Variants in CCSER1 observed in about 807,000 individuals in gnomAD.
CCSER1 encodes the protein coiled-coil serine rich protein 1.
Under a neutral mutation model 82.0 loss-of-function variants are expected in CCSER1, and 41 were observed. The ratio of observed to expected loss-of-function variants is 0.50; its 90% CI spans 0.39 to 0.65. The LOEUF is 0.65. Among genes scored for constraint, CCSER1 ranks in the 30% least tolerant of loss-of-function variants. The probability of loss-of-function intolerance (pLI) is 0.00; values close to 1 mark genes in which losing one functional copy is unlikely to be tolerated. For missense variants in CCSER1, 1,119 were observed against 1,064.2 expected (o/e 1.05, Z -0.72); for synonymous variants, 414 against 383.9 (o/e 1.08, Z -0.92).
In CCSER1 at chr4:91,525,397, A is replaced by C. The variant is rs551093964; in HGVS notation, c.2218-73175A>C. ...TTAAGGAGGTCAAGTGTTTTCTAAGATTATTTTTTGGGCTGACAGACTTTC... is the reference window on the plus strand; with the variant it reads ...TTAAGGAGGTCAAGTGTTTTCTAAGCTTATTTTTTGGGCTGACAGACTTTC... On this transcript the variant is annotated intron_variant, in intron 10 of 10. Transcript: ENST00000509176. Among the ~76,000 whole-genome samples the C allele has an allele frequency of 1.1e-4, 17 of 152,242 alleles. 1 individual carries two copies. In the South Asian group the frequency reaches 3.5e-3, roughly 32 times the overall value.
intron 9 of CCSER1, among the ~76,000 whole-genome samples, chr4:91,042,778 C>T (rs760449005): frequency 6.6e-6 from 1 of 151,840 alleles, no homozygotes; most frequent in Non-Finnish European, 1.5e-5. Context: ...TAACACATTA[C>T]AGGGGGGAAA....
Position 91,343,300 on chromosome 4 carries a change from T to C in CCSER1, c.2218-255272T>C, listed in dbSNP as rs576210269. On this transcript the variant is annotated intron_variant, in intron 10 of 10. Coordinates refer to ENST00000509176, the MANE Select transcript of CCSER1 (RefSeq NM_001145065.2). ...TTTAATTGTATGATGCAAAAATCTT[T>C]CCTCATTAACCTGAAATGAAATTCC... 1.4e-4 allele frequency among the ~76,000 whole-genome samples: 22 copies of C among 152,230 alleles called. 1 individual carries two copies. The South Asian group carries it at 4.6e-3, about 31-fold the overall frequency.
intron 10 of CCSER1, among the ~76,000 whole-genome samples, chr4:91,313,247 C>G (rs1745615096): frequency 6.6e-6 from 1 of 151,850 alleles, no homozygotes; most frequent in East Asian, 1.9e-4. Context: ...ATAACATATT[C>G]TAATTATTTA....
At chr4:90,320,753 C>G (rs868661924) in intron 3 of CCSER1, among the ~76,000 whole-genome samples, 1 of 151,966 alleles carries the variant, frequency 6.6e-6, no homozygotes, top group Non-Finnish European at 1.5e-5. Flanking sequence ...TCTTTCTGAA[C>G]TTTGAGATGA....
chr4:91,196,078 G>A (rs1046089832), intron 10 of CCSER1, among the ~76,000 whole-genome samples: 2 of 151,538 alleles, frequency 1.3e-5, no homozygotes, highest in South Asian at 4.1e-4. Flanking sequence ...TCCCAGCTAC[G>A]CGGGAGGCTG....
chr4:91,582,893 TA>T (rs1176409629), intron 10 of CCSER1, among the ~76,000 whole-genome samples: 2 of 151,456 alleles, frequency 1.3e-5, no homozygotes, highest in Non-Finnish European at 3.0e-5. Flanking sequence ...GTCCCATAAA[TA>T]TTTATTTCAA....
chr4:91,576,964 T>A (rs1285009276), intron 10 of CCSER1, among the ~76,000 whole-genome samples: 1 of 148,488 alleles, frequency 6.7e-6, no homozygotes, highest in South Asian at 2.1e-4. Context: ...AACATCACAT[T>A]GTATACCTCA....
chr4:90,616,541 C>T (rs990510807), intron 5 of CCSER1, among the ~76,000 whole-genome samples: 12 of 151,606 alleles, frequency 7.9e-5, no homozygotes, highest in East Asian at 1.9e-4. Flanking sequence ...AAAAATTAGT[C>T]GGGTGTGGTA....
chr4:91,120,116 A>T (rs1726957623), intron 10 of CCSER1, among the ~76,000 whole-genome samples: 1 of 152,022 alleles, frequency 6.6e-6, no homozygotes, highest in Admixed American at 6.6e-5. Flanking sequence ...ATTGTTTAAT[A>T]ATAATTTGCA....
At chr4:91,184,936 G>A (rs989798412) in intron 10 of CCSER1, among the ~76,000 whole-genome samples, 57 of 152,258 alleles carry the variant, frequency 3.7e-4, no homozygotes, top group African/African-American at 1.2e-3. Flanking sequence ...ATAATTGGTT[G>A]AATAGTACCA....
At chr4:90,840,317 CA>C (rs1300082080) in intron 8 of CCSER1, among the ~76,000 whole-genome samples, 1 of 152,122 alleles carries the variant, frequency 6.6e-6, no homozygotes, top group Non-Finnish European at 1.5e-5. Flanking sequence ...TTTTCTATTA[CA>C]AAAGACGTTA....
At chr4:90,601,791 T>C (rs569645582) in intron 5 of CCSER1, among the ~76,000 whole-genome samples, 153 of 152,246 alleles carry the variant, frequency 1.0e-3, no homozygotes, top group African/African-American at 3.6e-3. Flanking sequence ...TTTTATGTTC[T>C]ACTTTTATTT....
intron 5 of CCSER1, among the ~76,000 whole-genome samples, chr4:90,523,516 A>G (rs536918403): frequency 1.3e-5 from 2 of 152,304 alleles, no homozygotes; most frequent in South Asian, 4.1e-4. Context: ...GTACTACATA[A>G]GCACAAATGT....
intron 8 of CCSER1, among the ~76,000 whole-genome samples, chr4:90,834,827 T>C (rs1761582970): frequency 6.6e-6 from 1 of 152,126 alleles, no homozygotes; most frequent in Non-Finnish European, 1.5e-5. Context: ...CACGATCTTA[T>C]TTTCTTTTCT....
intron 9 of CCSER1, among the ~76,000 whole-genome samples, chr4:90,924,876 G>A (rs1450643406): frequency 2.0e-5 from 3 of 152,046 alleles, no homozygotes; most frequent in Admixed American, 1.3e-4. Flanking sequence ...GCAAGCACCC[G>A]TCATCACTGC....
chr4:91,108,674 C>CT (rs1367490745), intron 10 of CCSER1, among the ~76,000 whole-genome samples: 1 of 152,248 alleles, frequency 6.6e-6, no homozygotes, highest in Non-Finnish European at 1.5e-5. Context: ...CTGTTAGCCT[C>CT]TTTTTTATCA....
chr4:90,361,191 A>G (rs1478069551), intron 3 of CCSER1, among the ~76,000 whole-genome samples: 1 of 152,196 alleles, frequency 6.6e-6, no homozygotes, highest in Admixed American at 6.5e-5. Flanking sequence ...CTATAGTAGT[A>G]GAGAAATAGT....
At chr4:91,189,264 T>A (rs551247463) in intron 10 of CCSER1, among the ~76,000 whole-genome samples, 1 of 152,254 alleles carries the variant, frequency 6.6e-6, no homozygotes, top group African/African-American at 2.4e-5. Flanking sequence ...CTGTTACCTT[T>A]TCTTTATTTG....
chr4:90,533,470 GGCCATCAGAA>G (rs1370810790), intron 5 of CCSER1, among the ~76,000 whole-genome samples: 1 of 152,116 alleles, frequency 6.6e-6, no homozygotes, highest in Non-Finnish European at 1.5e-5. Flanking sequence ...GGACTCTAAG[GGCCATCAGAA>G]GCCTGAATGC....
Sources: gnomAD v4.1 joint callset for allele counts (sites outside exome capture counted in the v4.1 genomes callset) on GRCh38, gnomAD v4.1.1 for gene constraint, MANE v1.5 for transcripts, NCBI Gene and HGNC (gene_info 2026-07-23, HGNC 2026-07-21) for gene names.